CCDC50: variants seen among roughly 807,000 people sequenced by gnomAD.
CCDC50 encodes coiled-coil domain containing 50.
A neutral mutation model predicts 70.2 loss-of-function variants in CCDC50; 54 were observed. That is an observed-to-expected ratio of 0.77 (90% CI 0.62 to 0.96). The LOEUF is 0.96. Ranked by LOEUF, CCDC50 falls within the 50% of genes least tolerant of loss-of-function variation. The pLI is 0.00. For synonymous variants in CCDC50, 216 were observed against 198.8 expected, an observed-to-expected ratio of 1.09 and a Z score of -0.73; for missense variants, 558 against 578.7, an observed-to-expected ratio of 0.96 and a Z score of 0.37.
chr3:191,385,108 G>C (rs1189266182), intron 10 of CCDC50, among the ~76,000 whole-genome samples: 1 of 152,176 alleles, frequency 6.6e-6, no homozygotes, highest in Non-Finnish European at 1.5e-5. Context: ...ATTGTGAAGA[G>C]TGCTGTGATG....
rs1713774164 is a variant in CCDC50, at chr3:191,393,841, T to A, written c.*2081T>A. ...ATCTGCCCTGTGATTTCGCTTCGTG[T>A]CCTTCAAAGTTTTTTTATTGTAATT... On this transcript the variant is annotated 3_prime_UTR_variant, in exon 12 of 12. Transcript: ENST00000392455. 1 of 152,190 alleles carries A rather than the reference T, an allele frequency of 6.6e-6. No individual in the cohort carries two copies. The highest frequency in any genetic ancestry group is 1.5e-5 in the Non-Finnish European group (1 of 68,024). 9.4% of individuals were successfully genotyped at this position (152,190 alleles called of 1,614,324 possible).
intron 4 of CCDC50, among the ~76,000 whole-genome samples, chr3:191,368,773 CAGTG>C (rs1158471663): frequency 6.6e-6 from 1 of 151,972 alleles, no homozygotes; most frequent in Non-Finnish European, 1.5e-5. Flanking sequence ...CCATTTGTAC[CAGTG>C]AGTATTATTC....
intron 1 of CCDC50, among the ~76,000 whole-genome samples, chr3:191,334,880 A>G (rs1194800089): frequency 6.6e-6 from 1 of 152,148 alleles, no homozygotes; most frequent in East Asian, 1.9e-4. Flanking sequence ...TTAACATACA[A>G]TTTTTTACAA....
rs1713733424 is a variant in CCDC50 at position 191,392,639 on chromosome 3, T to C, written c.*879T>C. 6.6e-6 allele frequency: 1 copy of C among 152,230 alleles called. No homozygotes were observed. Among genetic ancestry groups the C allele is most frequent in the Non-Finnish European group, 1.5e-5 (1 of 68,050 alleles). The allele number at this position is 152,230 out of a possible 1,614,324, so 9.4% of individuals were successfully genotyped here. A position where few individuals can be genotyped will look rare whatever the true frequency, so the allele number is the denominator to read the frequency against. On this transcript the variant is annotated 3_prime_UTR_variant, in exon 12 of 12. Coordinates refer to ENST00000392455, the MANE Select transcript of CCDC50 (RefSeq NM_178335.3). ...GTCAGAGCAGTATTTGTTGATAACC[T>C]CTCAATAATGTTTGGTTTACATGCC... is the stretch of plus-strand genomic sequence containing the variant.
chr3:191,389,689 C>T (rs1441484557), intron 11 of CCDC50, 87 bp downstream of exon 11: 1 of 988,400 alleles, frequency 1.0e-6, no homozygotes, highest in Non-Finnish European at 1.6e-6. Flanking sequence ...TTCTGTGTTC[C>T]ACTAGAGTGG....
intron 9 of CCDC50, among the ~76,000 whole-genome samples, chr3:191,382,202 AG>A (rs1438290000): frequency 6.6e-6 from 1 of 152,188 alleles, no homozygotes; most frequent in African/African-American, 2.4e-5. Context: ...CATCTCTAGC[AG>A]GTATCATCAT....
At chr3:191,333,543 T>G (rs1718054492) in intron 1 of CCDC50, among the ~76,000 whole-genome samples, 1 of 152,136 alleles carries the variant, frequency 6.6e-6, no homozygotes, top group Admixed American at 6.5e-5. Context: ...ACAGTTTTTG[T>G]TTTGGTTGTT....
Position 191,352,423 on chromosome 3 carries a change from A to G in CCDC50, c.50-4665A>G, listed in dbSNP as rs745874146. ...TCCATTTCTAAGACCTGCTTGGCCT[A>G]TTGTAAATTAATTCACTGTATATAC... On this transcript the variant is annotated intron_variant, in intron 1 of 11. Coordinates refer to ENST00000392455, the MANE Select transcript of CCDC50 (RefSeq NM_178335.3). 4.2e-5 allele frequency among the ~76,000 whole-genome samples: 6 copies of G among 142,238 alleles called. 1 individual carries two copies. The highest frequency in any genetic ancestry group is 2.2e-4 in the Admixed American group (3 of 13,904). The allele number at this position is 142,238 out of a possible 152,430, so 93.3% of individuals were successfully genotyped here. A position where few individuals can be genotyped will look rare whatever the true frequency, so the allele number is the denominator to read the frequency against.
chr3:191,359,789 C>G lies in CCDC50; in HGVS notation c.240-1280C>G, dbSNP rs1050638664. Among the ~76,000 whole-genome samples the G allele has an allele frequency of 3.9e-5, 6 of 152,106 alleles. No homozygotes were observed. In the East Asian group the frequency reaches 7.7e-4, roughly 19 times the overall value. On this transcript the variant is annotated intron_variant, in intron 3 of 11. Transcript: ENST00000392455. ...GTTCTAGAGTTCTAAATTCATTGCC[C>G]TTTACATTATTCACAATTCTCTGTT...
chr3:191,391,976 G>A lies in CCDC50; in HGVS notation c.*216G>A. On this transcript the variant is annotated 3_prime_UTR_variant, in exon 12 of 12. Coordinates refer to ENST00000392455, the MANE Select transcript of CCDC50 (RefSeq NM_178335.3). ...TAAGAAAATGTAGCTTCTGAATATT[G>A]GCCACCTCTATGCTGCATATACTTC... 1.7e-6 allele frequency: 1 copy of A among 578,298 alleles called. No individual in the cohort carries two copies. Among genetic ancestry groups the A allele is most frequent in the Non-Finnish European group, 3.1e-6 (1 of 322,476 alleles). 35.8% of individuals were successfully genotyped at this position (578,298 alleles called of 1,614,324 possible). A position where few individuals can be genotyped will look rare whatever the true frequency, so the allele number is the denominator to read the frequency against.
chr3:191,359,329 C>A (rs1055108705), intron 3 of CCDC50, among the ~76,000 whole-genome samples: 1 of 151,800 alleles, frequency 6.6e-6, no homozygotes, highest in Admixed American at 6.6e-5. Flanking sequence ...ATCAATCTCA[C>A]GTTAGCTGCA....
chr3:191,344,330 A>C (rs1408207970), intron 1 of CCDC50, among the ~76,000 whole-genome samples: 2 of 152,236 alleles, frequency 1.3e-5, no homozygotes, highest in Non-Finnish European at 2.9e-5. Context: ...AACGTTCTGT[A>C]TTCTGTACTG....
At chr3:191,375,855 C>T (rs1713095530) in intron 6 of CCDC50, among the ~76,000 whole-genome samples, 1 of 152,014 alleles carries the variant, frequency 6.6e-6, no homozygotes, top group Non-Finnish European at 1.5e-5. Context: ...TTAGAGGTAC[C>T]CATTCCAGAT....
chr3:191,374,846 C>T (rs1713036865), intron 5 of CCDC50, among the ~76,000 whole-genome samples: 1 of 152,110 alleles, frequency 6.6e-6, no homozygotes. Context: ...ACTTTAGTTT[C>T]TTACCATTTT....
Position 191,362,019 on chromosome 3 carries a change from T to C in CCDC50, c.330+860T>C, listed in dbSNP as rs186756956. Among the ~76,000 whole-genome samples the C allele has an allele frequency of 1.4e-3, 219 of 152,338 alleles. 1 individual carries two copies. Among genetic ancestry groups the C allele is most frequent in the African/African-American group, 4.8e-3 (200 of 41,574 alleles). ...TGATTCTGTATATATTTTTAAGTCATAGTGTTTTTAAGGCTGAAAATGACT... is the reference window on the plus strand; with the variant it reads ...TGATTCTGTATATATTTTTAAGTCACAGTGTTTTTAAGGCTGAAAATGACT... On this transcript the variant is annotated intron_variant, in intron 4 of 11. Coordinates refer to ENST00000392455, the MANE Select transcript of CCDC50 (RefSeq NM_178335.3).
At chr3:191,368,396 G>GTA (rs1712776972) in intron 4 of CCDC50, among the ~76,000 whole-genome samples, 1 of 151,878 alleles carries the variant, frequency 6.6e-6, no homozygotes, top group African/African-American at 2.4e-5. Context: ...AAAAAAATAC[G>GTA]TATATATGTG....
intron 5 of CCDC50, among the ~76,000 whole-genome samples, chr3:191,371,249 GTGGTGA>G (rs1040181709): frequency 1.1e-4 from 17 of 152,238 alleles, no homozygotes; most frequent in African/African-American, 3.1e-4. Context: ...GCTTTGCAGG[GTGGTGA>G]TGGTGATGGT....
intron 5 of CCDC50, 115 bp downstream of exon 5, chr3:191,370,151 G>A (rs1274239067): frequency 2.7e-6 from 2 of 754,580 alleles, no homozygotes; most frequent in East Asian, 2.5e-5. Context: ...TTATCCCCAG[G>A]CACTGGGTAC....
chr3:191,344,072 A>C (rs1352958428), intron 1 of CCDC50, among the ~76,000 whole-genome samples: 1 of 152,244 alleles, frequency 6.6e-6, no homozygotes, highest in South Asian at 2.1e-4. Flanking sequence ...AGTGGCTGAC[A>C]CAAGACCAGT....
Sources: allele counts gnomAD v4.1 joint callset (sites outside exome capture counted in the v4.1 genomes callset), GRCh38; gene constraint gnomAD v4.1.1; transcripts MANE v1.5; gene names NCBI Gene and HGNC (gene_info 2026-07-23, HGNC 2026-07-21).